Variants in ZPLD1 observed in about 807,000 individuals in gnomAD.
ZPLD1 encodes zona pellucida like domain containing 1.
In ZPLD1, 34 loss-of-function variants were observed where a neutral mutation model predicts 47.2. That is an observed-to-expected ratio of 0.72 (90% CI 0.55 to 0.96). The LOEUF is 0.96. ZPLD1 is among the 40% of genes least tolerant of loss of function. The probability of loss-of-function intolerance (pLI) is 0.00; values close to 1 mark genes in which losing one functional copy is unlikely to be tolerated. For synonymous variants in ZPLD1, 176 were observed against 186.2 expected (o/e 0.95, Z 0.45); for missense variants, 512 against 505.8 (o/e 1.01, Z -0.12).
Position 102,479,612 on chromosome 3 carries a change from T to C in ZPLD1, c.*1994T>C, listed in dbSNP as rs1576173551. On this transcript the variant is annotated 3_prime_UTR_variant, in exon 12 of 12. Transcript: ENST00000466937. ...ATCATAAATGGAAGAATCAGAGTTA[T>C]AATGAGATAAACCAGGTCTGTTTTT... The C allele has an allele frequency of 6.6e-6, 1 of 152,184 alleles. No individual in the cohort carries two copies. Among genetic ancestry groups the C allele is most frequent in the East Asian group, 1.9e-4 (1 of 5,198 alleles). 9.4% of individuals were successfully genotyped at this position (152,184 alleles called of 1,614,324 possible).
At chr3:102,400,944 A>C (rs1261672916) in intron 7 of ZPLD1, among the ~76,000 whole-genome samples, 1 of 152,006 alleles carries the variant, frequency 6.6e-6, no homozygotes, top group Non-Finnish European at 1.5e-5. Flanking sequence ...GGTGTGGAAT[A>C]TTTTCATTCC....
chr3:102,402,211 C>G (rs1706629367), intron 7 of ZPLD1, among the ~76,000 whole-genome samples: 3 of 151,960 alleles, frequency 2.0e-5, no homozygotes. Flanking sequence ...AAGTATTTTA[C>G]TGCTCTTTTT....
intron 6 of ZPLD1, among the ~76,000 whole-genome samples, chr3:102,385,533 A>G (rs1706415855): frequency 6.6e-6 from 1 of 152,202 alleles, no homozygotes; most frequent in Admixed American, 6.5e-5. Flanking sequence ...TAAACACATT[A>G]TTACAAAGAT....
At chr3:102,468,803 G>A (rs1418865505) in intron 8 of ZPLD1, among the ~76,000 whole-genome samples, 161 bp from the exon 9 acceptor site, 1 of 152,176 alleles carries the variant, frequency 6.6e-6, no homozygotes, top group Non-Finnish European at 1.5e-5. Context: ...TGTCATATCT[G>A]TTGAATTAGC....
At chr3:102,470,271 CG>C in intron 9 of ZPLD1, 122 bp from the exon 10 acceptor site, 2 of 706,206 alleles carry the variant, frequency 2.8e-6, no homozygotes, top group Admixed American at 5.2e-5. Flanking sequence ...AATAAATGCA[CG>C]GAAGGAAATG....
At chr3:102,391,586 A>G (rs1052588483) in intron 6 of ZPLD1, among the ~76,000 whole-genome samples, 5 of 152,110 alleles carry the variant, frequency 3.3e-5, no homozygotes, top group Non-Finnish European at 7.4e-5. Flanking sequence ...AACCCCGTGG[A>G]GGAGCCACTG....
intron 3 of ZPLD1, 126 bp from the exon 4 acceptor site, chr3:102,452,793 G>C: frequency 9.6e-7 from 1 of 1,043,714 alleles, no homozygotes. Flanking sequence ...TTGGATTATG[G>C]TGTATCAAAT....
intron 7 of ZPLD1, among the ~76,000 whole-genome samples, chr3:102,405,144 A>G (rs1221773751): frequency 6.6e-6 from 1 of 152,020 alleles, no homozygotes; most frequent in Non-Finnish European, 1.5e-5. Context: ...GTTTTATGAT[A>G]ATCCCAAAGC....
At chr3:102,471,481 AATG>A (rs1707684537) in intron 10 of ZPLD1, among the ~76,000 whole-genome samples, 1 of 152,190 alleles carries the variant, frequency 6.6e-6, no homozygotes, top group Admixed American at 6.5e-5. Flanking sequence ...CATATAATCT[AATG>A]GACACAACTA....
chr3:102,397,474 T>C (rs1194786419), intron 7 of ZPLD1, among the ~76,000 whole-genome samples: 1 of 152,136 alleles, frequency 6.6e-6, no homozygotes, highest in Non-Finnish European at 1.5e-5. Context: ...AGTCAACCAG[T>C]ACTGCCCCGC....
chr3:102,387,826 C>A (rs1706447345), intron 6 of ZPLD1, among the ~76,000 whole-genome samples: 1 of 146,038 alleles, frequency 6.8e-6, no homozygotes, highest in African/African-American at 2.5e-5. Context: ...TCTTAAGATT[C>A]ATGTCCTTCA....
intron 7 of ZPLD1, among the ~76,000 whole-genome samples, chr3:102,394,652 A>G (rs1220537968): frequency 1.3e-5 from 2 of 152,194 alleles, no homozygotes; most frequent in Non-Finnish European, 2.9e-5. Context: ...AAAATTAGCC[A>G]GAATTATGGC....
At chr3:102,474,493 G>A (rs1707729187) in intron 10 of ZPLD1, among the ~76,000 whole-genome samples, 1 of 152,096 alleles carries the variant, frequency 6.6e-6, no homozygotes, top group East Asian at 1.9e-4. Context: ...GAGTTCAGAG[G>A]TAGAAACAGA....
At chr3:102,426,373 C>A (rs1486706509) in intron 8 of ZPLD1, among the ~76,000 whole-genome samples, 1 of 151,928 alleles carries the variant, frequency 6.6e-6, no homozygotes, top group East Asian at 1.9e-4. Flanking sequence ...CAAAAATTAG[C>A]CAGGTGTGGT....
intron 3 of ZPLD1, among the ~76,000 whole-genome samples, chr3:102,447,289 C>A (rs1043790293): frequency 2.6e-5 from 4 of 152,166 alleles, no homozygotes; most frequent in Admixed American, 2.6e-4. Context: ...TGGTCTTGAT[C>A]TCTTGACCTT....
chr3:102,407,866 C>T (rs75657199), intron 7 of ZPLD1, among the ~76,000 whole-genome samples: 2,222 of 151,828 alleles, frequency 0.015, 28 homozygotes, highest in Non-Finnish European at 0.022. Flanking sequence ...TTCCTATCCT[C>T]CAGTATCCAC....
intron 7 of ZPLD1, among the ~76,000 whole-genome samples, chr3:102,416,676 A>C (rs1041070774): frequency 6.6e-6 from 1 of 151,992 alleles, no homozygotes; most frequent in Non-Finnish European, 1.5e-5. Context: ...GGTACATGCA[A>C]TAATTTGATA....
intron 8 of ZPLD1, among the ~76,000 whole-genome samples, chr3:102,429,289 G>A (rs141359788): frequency 6.6e-6 from 1 of 152,026 alleles, no homozygotes; most frequent in African/African-American, 2.4e-5. Flanking sequence ...TTAAAATTTT[G>A]CATTTCTTGA....
chr3:102,419,279 T>C (rs1304500976), intron 8 of ZPLD1, among the ~76,000 whole-genome samples: 1 of 151,964 alleles, frequency 6.6e-6, no homozygotes, highest in Non-Finnish European at 1.5e-5. Context: ...AGAACTTTCA[T>C]TTGAATAATT....
Sources: gnomAD v4.1 joint callset for allele counts (sites outside exome capture counted in the v4.1 genomes callset) on GRCh38, gnomAD v4.1.1 for gene constraint, MANE v1.5 for transcripts, NCBI Gene and HGNC (gene_info 2026-07-23, HGNC 2026-07-21) for gene names.